Variants in ANK3 observed in about 807,000 individuals in gnomAD.
The protein encoded by ANK3 is ankyrin-3.
A neutral mutation model predicts 370.9 loss-of-function variants in ANK3; 57 were observed. That is an observed-to-expected ratio of 0.15 (90% CI 0.12 to 0.19). The LOEUF is 0.19. ANK3 is among the 10% of genes least tolerant of loss of function. The pLI is 1.00. For missense variants in ANK3, 4,439 were observed against 5,302.1 expected, an observed-to-expected ratio of 0.84 and a Z score of 5.06; for synonymous variants, 1,929 against 1,946.3, an observed-to-expected ratio of 0.99 and a Z score of 0.23.
intron 2 of ANK3, among the ~76,000 whole-genome samples, chr10:60,402,032 G>C (rs1437853653): frequency 6.6e-6 from 1 of 152,072 alleles, no homozygotes; most frequent in East Asian, 1.9e-4. Flanking sequence ...GACAGAATGG[G>C]GACCGGGAGA....
chr10:60,304,883 A>G (rs777745023), intron 1 of ANK3, among the ~76,000 whole-genome samples: 11 of 152,188 alleles, frequency 7.2e-5, no homozygotes, highest in Non-Finnish European at 1.5e-4. Context: ...GGCACTTAGT[A>G]TGTGCTGGAA....
At chr10:60,405,480 T>C (rs1313578547) in intron 2 of ANK3, among the ~76,000 whole-genome samples, 4 of 152,136 alleles carry the variant, frequency 2.6e-5, no homozygotes, top group African/African-American at 9.6e-5. Flanking sequence ...AGAGGTTGCT[T>C]CTGGGAGTGG....
chr10:60,340,836 A>C (rs2054116311), intron 1 of ANK3, among the ~76,000 whole-genome samples: 1 of 152,172 alleles, frequency 6.6e-6, no homozygotes, highest in East Asian at 1.9e-4. Context: ...CACTGATCTA[A>C]ACACTTCATG....
intron 37 of ANK3, 99 bp from the exon 38 acceptor site, chr10:60,068,108 C>G: frequency 9.8e-7 from 1 of 1,015,908 alleles, no homozygotes; most frequent in East Asian, 2.4e-5. Context: ...GAGACTAATG[C>G]TAACACTGTA....
chr10:60,363,953 A>G (rs1275447273), intron 1 of ANK3, among the ~76,000 whole-genome samples: 1 of 147,290 alleles, frequency 6.8e-6, no homozygotes, highest in Non-Finnish European at 1.5e-5. Context: ...TGTAGTTAAA[A>G]AAGAGGAAGG....
chr10:60,395,977 C>T lies in ANK3; in HGVS notation c.97-116338G>A, dbSNP rs139820236. ...GCTACCCATGAAACTTACAATTTCA[C>T]AAGTGACCCCTTGATATTCTAGTCA... is the stretch of plus-strand genomic sequence containing the variant. On this transcript the variant is annotated intron_variant, in intron 2 of 43. Coordinates refer to the ANK3 transcript ENST00000373827. Among the ~76,000 whole-genome samples the T allele has an allele frequency of 3.2e-3, 490 of 152,286 alleles. 5 individuals carry two copies. Among genetic ancestry groups the T allele is most frequent in the African/African-American group, 0.011 (458 of 41,556 alleles).
chr10:60,733,246 G>T, intron 1 of ANK3: 3 of 1,241,010 alleles, frequency 2.4e-6, no homozygotes, highest in Non-Finnish European at 2.0e-6. Flanking sequence ...CAGGTAGGGG[G>T]GCGGCGCGGC....
chr10:60,642,499 G>T (rs1298247706), intron 1 of ANK3, among the ~76,000 whole-genome samples: 1 of 152,072 alleles, frequency 6.6e-6, no homozygotes, highest in Admixed American at 6.6e-5. Flanking sequence ...GGATGAAATT[G>T]GAAATCATCA....
At chr10:60,332,488 A>G (rs894616916) in intron 1 of ANK3, among the ~76,000 whole-genome samples, 2 of 152,126 alleles carry the variant, frequency 1.3e-5, no homozygotes, top group African/African-American at 4.8e-5. Flanking sequence ...TTTTAGAAAA[A>G]TGTTTACTAA....
Position 60,271,429 on chromosome 10 carries a change from A to C in ANK3, c.415-1200T>G, listed in dbSNP as rs112771290. The stretch of plus-strand genomic sequence containing the variant: ...CCTGTGTCACCCAGCATGGGCTTGA[A>C]CTCCTGAGCTCAAGCCATCTGCCTG... On this transcript the variant is annotated intron_variant, in intron 4 of 43. Coordinates refer to ENST00000280772, the MANE Select transcript of ANK3 (RefSeq NM_020987.5). 5.3e-3 allele frequency among the ~76,000 whole-genome samples: 798 copies of C among 150,464 alleles called. 6 individuals carry two copies. The highest frequency in any genetic ancestry group is 0.019 in the African/African-American group (761 of 40,876).
intron 2 of ANK3, among the ~76,000 whole-genome samples, chr10:60,490,207 T>A (rs1286712330): frequency 3.3e-5 from 5 of 151,352 alleles, no homozygotes; most frequent in Non-Finnish European, 7.4e-5. Flanking sequence ...GCTATAAAAG[T>A]GAAAGCTCTA....
intron 9 of ANK3, among the ~76,000 whole-genome samples, chr10:60,210,039 A>T (rs2096828285): frequency 6.6e-6 from 1 of 152,224 alleles, no homozygotes; most frequent in Non-Finnish European, 1.5e-5. Context: ...TTAGCTCAGT[A>T]AGATGAAATT....
intron 2 of ANK3, among the ~76,000 whole-genome samples, chr10:60,414,092 C>A (rs1356201675): frequency 6.6e-6 from 1 of 152,190 alleles, no homozygotes; most frequent in Non-Finnish European, 1.5e-5. Flanking sequence ...AATATAGGCA[C>A]TGTAATTTTG....
intron 21 of ANK3, 99 bp downstream of exon 21, chr10:60,172,209 T>C (rs1488311378): frequency 2.1e-5 from 18 of 858,448 alleles, no homozygotes; most frequent in African/African-American, 3.4e-5. Flanking sequence ...ACATGGTGCT[T>C]AGTTTATGAA....
At chr10:60,576,606 G>A (rs774244651) in intron 2 of ANK3, among the ~76,000 whole-genome samples, 12 of 152,156 alleles carry the variant, frequency 7.9e-5, no homozygotes, top group Admixed American at 7.2e-4. Flanking sequence ...TATTTTTAAG[G>A]TTAGGATGTC....
rs140091537 is a variant in ANK3 at position 60,676,119 on chromosome 10, A to G, written c.57+57144T>C. 3.2e-3 allele frequency among the ~76,000 whole-genome samples: 479 copies of G among 151,918 alleles called. 6 individuals carry two copies. The highest frequency in any genetic ancestry group is 0.024 in the Admixed American group (373 of 15,268). Reference sequence around the variant, plus strand: ...AAGGCTTATTTAATTTTAAGATAGAACACCATAAAACAGTCAAAAAAATAA... The same window carrying G: ...AAGGCTTATTTAATTTTAAGATAGAGCACCATAAAACAGTCAAAAAAATAA... On this transcript the variant is annotated intron_variant, in intron 1 of 43. Transcript: ENST00000373827.
chr10:60,596,476 G>C (rs1012199912), intron 2 of ANK3, among the ~76,000 whole-genome samples: 1 of 152,006 alleles, frequency 6.6e-6, no homozygotes, highest in African/African-American at 2.4e-5. Flanking sequence ...TATACGCTAT[G>C]GTAGAATCAA....
At chr10:60,475,541 A>G (rs1338272498) in intron 2 of ANK3, among the ~76,000 whole-genome samples, 4 of 152,156 alleles carry the variant, frequency 2.6e-5, no homozygotes, top group African/African-American at 9.7e-5. Flanking sequence ...ATTATACACA[A>G]TTTTTCCTAC....
intron 1 of ANK3, among the ~76,000 whole-genome samples, chr10:60,695,614 A>G (rs1010437804): frequency 6.6e-6 from 1 of 152,244 alleles, no homozygotes; most frequent in Non-Finnish European, 1.5e-5. Flanking sequence ...AAACTGCTCA[A>G]CTACATGGAA....
Sources: gnomAD v4.1 joint callset for allele counts (sites outside exome capture counted in the v4.1 genomes callset) on GRCh38, gnomAD v4.1.1 for gene constraint, MANE v1.5 for transcripts, NCBI Gene and HGNC (gene_info 2026-07-23, HGNC 2026-07-21) for gene names.